The following AFF3 variants were observed in gnomAD, a reference collection of about 807,000 sequenced individuals.
The protein encoded by AFF3 is AF4/FMR2 family member 3.
Under a neutral mutation model 129.7 loss-of-function variants are expected in AFF3, and 32 were observed. That is an observed-to-expected ratio of 0.25 (90% CI 0.19 to 0.33). The LOEUF is 0.33. Among genes scored for constraint, AFF3 ranks in the 10% least tolerant of loss-of-function variants. AFF3 has a pLI of 1.00. For synonymous variants in AFF3, 644 were observed against 635.4 expected (o/e 1.01, Z -0.20); for missense variants, 1,373 against 1,592.0 (o/e 0.86, Z 2.34).
At chr2:99,685,825 G>A (rs902225201) in intron 11 of AFF3, among the ~76,000 whole-genome samples, 2 of 152,180 alleles carry the variant, frequency 1.3e-5, no homozygotes, top group African/African-American at 4.8e-5. Flanking sequence ...TATCCTGGAA[G>A]TCATGGTGTC....
chr2:99,703,648 T>C (rs1396891301), intron 11 of AFF3, among the ~76,000 whole-genome samples: 3 of 151,940 alleles, frequency 2.0e-5, no homozygotes, highest in African/African-American at 7.3e-5. Context: ...TTTCTCTCTT[T>C]TTTTTTTTCT....
chr2:99,907,497 A>G (rs1233153253), intron 7 of AFF3, among the ~76,000 whole-genome samples: 2 of 151,816 alleles, frequency 1.3e-5, no homozygotes, highest in Admixed American at 1.3e-4. Context: ...TCATGCACCC[A>G]GACTTGGAAT....
chr2:99,863,255 T>A (rs1270262533), intron 7 of AFF3, among the ~76,000 whole-genome samples: 1 of 152,232 alleles, frequency 6.6e-6, no homozygotes, highest in Non-Finnish European at 1.5e-5. Context: ...TAAAAATTTA[T>A]CTTGTGCTAA....
At chr2:100,012,475 C>A (rs1026980369) in intron 4 of AFF3, among the ~76,000 whole-genome samples, 2 of 152,194 alleles carry the variant, frequency 1.3e-5, no homozygotes, top group African/African-American at 4.8e-5. Flanking sequence ...CTGGGCTTCC[C>A]ACCCCCTGTA....
At chr2:99,731,761 T>C (rs974780871) in intron 10 of AFF3, among the ~76,000 whole-genome samples, 2 of 152,248 alleles carry the variant, frequency 1.3e-5, no homozygotes, top group Non-Finnish European at 1.5e-5. Context: ...CAGGAGGCAA[T>C]GTCACTAAGG....
intron 8 of AFF3, among the ~76,000 whole-genome samples, chr2:99,765,804 T>C (rs1182751511): frequency 6.6e-6 from 1 of 152,208 alleles, no homozygotes; most frequent in African/African-American, 2.4e-5. Context: ...TGGTTAATTA[T>C]TCATAGTCAA....
chr2:100,105,772 C>G, intron 2 of AFF3, 189 bp from the exon 3 acceptor site: 2 of 1,359,724 alleles, frequency 1.5e-6, no homozygotes, highest in Non-Finnish European at 2.0e-6. Flanking sequence ...CCCCCTGACT[C>G]TCCTGACCTC....
At chr2:100,005,370 G>A (rs1226671746) in intron 7 of AFF3, among the ~76,000 whole-genome samples, 2 of 152,114 alleles carry the variant, frequency 1.3e-5, no homozygotes. Flanking sequence ...AGTCAATTGA[G>A]ATTGAAATAA....
In AFF3 at chr2:99,696,550, C is replaced by A. The variant is rs149120067; in HGVS notation, c.1092-23961G>T. Among the ~76,000 whole-genome samples, 662 of 152,292 alleles carry A rather than the reference C, an allele frequency of 4.3e-3. 4 individuals carry two copies. The highest frequency in any genetic ancestry group is 0.015 in the African/African-American group (626 of 41,564). ...TATTACACTTGTATTGCTCTTTCTT[C>A]CTTCTGTATTAGACATGGTCTCTGG... On this transcript the variant is annotated intron_variant, in intron 11 of 24. Coordinates refer to ENST00000672756, the MANE Select transcript of AFF3 (RefSeq NM_001386135.1).
intron 23 of AFF3, 44 bp from the exon 24 acceptor site, chr2:99,554,578 G>A: frequency 6.2e-7 from 1 of 1,607,964 alleles, no homozygotes; most frequent in Non-Finnish European, 8.5e-7. Flanking sequence ...GAGGTCGGGA[G>A]CAAGCGAGGC....
chr2:99,715,420 T>C (rs952908671), intron 11 of AFF3, among the ~76,000 whole-genome samples: 3 of 152,238 alleles, frequency 2.0e-5, no homozygotes, highest in African/African-American at 7.2e-5. Context: ...ATTTATTTAG[T>C]GCCTATTACG....
At chr2:99,872,207 CAAAAAAAAAAAAAA>C (rs397871895) in intron 7 of AFF3, among the ~76,000 whole-genome samples, 7 of 61,782 alleles carry the variant, frequency 1.1e-4, no homozygotes, top group African/African-American at 6.3e-5. Flanking sequence ...GACTCCATCT[CAAAAAAAAAAAAAA>C]AAAAAAAAAA....
chr2:99,970,177 G>A (rs954300629), intron 7 of AFF3, among the ~76,000 whole-genome samples: 10 of 152,136 alleles, frequency 6.6e-5, no homozygotes, highest in African/African-American at 2.4e-4. Flanking sequence ...GCATTTACTC[G>A]ATAGCTAACA....
intron 3 of AFF3, 183 bp downstream of exon 3, chr2:100,105,314 GCAGCAGC>G: frequency 4.2e-6 from 5 of 1,196,428 alleles, no homozygotes; most frequent in Non-Finnish European, 5.3e-6. Flanking sequence ...TGTGCCGCCC[GCAGCAGC>G]GCCCCAAACA....
chr2:99,915,327 T>C (rs1000447917), intron 7 of AFF3, among the ~76,000 whole-genome samples: 6 of 152,126 alleles, frequency 3.9e-5, no homozygotes, highest in African/African-American at 9.7e-5. Context: ...ACGGACAGCA[T>C]GGTACCATTT....
chr2:99,954,395 C>T (rs1055583175), intron 7 of AFF3, among the ~76,000 whole-genome samples: 2 of 152,032 alleles, frequency 1.3e-5, no homozygotes, highest in Admixed American at 6.6e-5. Context: ...TACCATTTGA[C>T]CCAGCCATCC....
chr2:99,648,917 A>ACACACACACACTCTCTCT, intron 13 of AFF3, among the ~76,000 whole-genome samples: 1,270 of 46,520 alleles, frequency 0.027, 13 homozygotes, highest in Non-Finnish European at 0.045. Context: ...ACACACACAC[A>ACACACACACACTCTCTCT]CTCTCTCTCT....
At chr2:99,842,943 A>C (rs1456901981) in intron 7 of AFF3, among the ~76,000 whole-genome samples, 2 of 152,226 alleles carry the variant, frequency 1.3e-5, no homozygotes, top group Non-Finnish European at 2.9e-5. Context: ...TTCAGGTGGA[A>C]CTTGCATTCT....
chr2:100,050,991 G>A (rs892464246), intron 4 of AFF3, among the ~76,000 whole-genome samples: 3 of 152,194 alleles, frequency 2.0e-5, no homozygotes, highest in Non-Finnish European at 4.4e-5. Flanking sequence ...CAGAGAAACT[G>A]CCCAACATGC....
Sources: gnomAD v4.1 joint callset for allele counts (sites outside exome capture counted in the v4.1 genomes callset) on GRCh38, gnomAD v4.1.1 for gene constraint, MANE v1.5 for transcripts, NCBI Gene and HGNC (gene_info 2026-07-23, HGNC 2026-07-21) for gene names.